Variants in CNTNAP5 observed in about 807,000 individuals in gnomAD.
CNTNAP5 encodes contactin-associated protein-like 5.
Under a neutral mutation model 150.2 loss-of-function variants are expected in CNTNAP5, and 72 were observed. That is an observed-to-expected ratio of 0.48 (90% CI 0.40 to 0.58). CNTNAP5 has a LOEUF of 0.58. Among genes scored for constraint, CNTNAP5 ranks in the 20% least tolerant of loss-of-function variants. The probability of loss-of-function intolerance (pLI) is 0.00; values close to 1 mark genes in which losing one functional copy is unlikely to be tolerated. For synonymous variants in CNTNAP5, 672 were observed against 619.8 expected (o/e 1.08, Z -1.25); for missense variants, 1,636 against 1,626.2 (o/e 1.01, Z -0.10).
intron 4 of CNTNAP5, among the ~76,000 whole-genome samples, chr2:124,430,813 A>G (rs935682220): frequency 6.6e-6 from 1 of 152,216 alleles, no homozygotes; most frequent in Admixed American, 6.5e-5. Context: ...CCAAACCCAG[A>G]CAGAATTTTT....
intron 17 of CNTNAP5, among the ~76,000 whole-genome samples, chr2:124,776,659 T>C (rs1201989934): frequency 6.6e-6 from 1 of 152,192 alleles, no homozygotes; most frequent in African/African-American, 2.4e-5. Flanking sequence ...ATAGCCTTCC[T>C]GAAGCACGCC....
chr2:124,655,848 C>T (rs1451188286), intron 13 of CNTNAP5, among the ~76,000 whole-genome samples: 1 of 150,200 alleles, frequency 6.7e-6, no homozygotes, highest in African/African-American at 2.5e-5. Flanking sequence ...CTGCAGTGAG[C>T]TATAATTGTG....
chr2:124,222,742 T>G (rs1352122824), intron 2 of CNTNAP5, among the ~76,000 whole-genome samples: 2 of 148,672 alleles, frequency 1.3e-5, no homozygotes, highest in African/African-American at 4.9e-5. Context: ...TTTTTTTTTT[T>G]ACACGCTAAC....
At position 124,871,610 on chromosome 2, in the gene CNTNAP5, C is replaced by T. The variant is rs145582369; in HGVS notation, c.3436+1848C>T. On this transcript the variant is annotated intron_variant, in intron 21 of 23. Coordinates refer to ENST00000682447, the MANE Select transcript of CNTNAP5 (RefSeq NM_001367498.1). ...CAGTTTCAAAGACTCACTGGCACAT[C>T]AGTGTCCTCTTGTTTTCTGGCTTCC... Among the ~76,000 whole-genome samples, 4 of 152,258 alleles carry T rather than the reference C, an allele frequency of 2.6e-5. No individual in the cohort carries two copies. In the East Asian group the frequency reaches 7.7e-4, roughly 29 times the overall value.
At chr2:124,411,012 A>T (rs1691743749) in intron 3 of CNTNAP5, among the ~76,000 whole-genome samples, 2 of 152,182 alleles carry the variant, frequency 1.3e-5, no homozygotes, top group Admixed American at 6.5e-5. Context: ...AAGAGAGAAG[A>T]ATCAAATAGA....
intron 1 of CNTNAP5, among the ~76,000 whole-genome samples, chr2:124,145,685 C>T (rs1205449611): frequency 1.6e-5 from 2 of 128,868 alleles, no homozygotes; most frequent in Non-Finnish European, 3.3e-5. Flanking sequence ...GGGAGATATA[C>T]CTAATGCTAG....
intron 11 of CNTNAP5, among the ~76,000 whole-genome samples, chr2:124,568,164 T>G (rs909429789): frequency 1.3e-5 from 2 of 152,206 alleles, no homozygotes; most frequent in Non-Finnish European, 2.9e-5. Context: ...TCTTTTATAT[T>G]GCTTAAGACG....
intron 6 of CNTNAP5, among the ~76,000 whole-genome samples, chr2:124,465,284 G>A (rs1338609205): frequency 6.6e-6 from 1 of 152,186 alleles, no homozygotes; most frequent in Non-Finnish European, 1.5e-5. Context: ...AATCCAGCAA[G>A]TTACCAGATG....
chr2:124,618,688 G>A (rs116840379), intron 12 of CNTNAP5, among the ~76,000 whole-genome samples: 156 of 152,268 alleles, frequency 1.0e-3, no homozygotes, highest in African/African-American at 3.7e-3. Flanking sequence ...AGAGAAGGCT[G>A]GAGATGTGCA....
chr2:124,092,025 T>C (rs1682826968), intron 1 of CNTNAP5, among the ~76,000 whole-genome samples: 1 of 152,216 alleles, frequency 6.6e-6, no homozygotes, highest in South Asian at 2.1e-4. Context: ...AGAGGAATGG[T>C]AATTCTCCAC....
chr2:124,399,001 C>T (rs74545032), intron 3 of CNTNAP5, among the ~76,000 whole-genome samples: 2,159 of 152,282 alleles, frequency 0.014, 50 homozygotes, highest in African/African-American at 0.049. Context: ...TCCAGTAATT[C>T]TGTCTCAATT....
intron 12 of CNTNAP5, among the ~76,000 whole-genome samples, chr2:124,620,331 A>C (rs1231003600): frequency 1.3e-5 from 2 of 152,272 alleles, no homozygotes; most frequent in East Asian, 3.9e-4. Flanking sequence ...TGTTGGAAAC[A>C]GCCTCAGTAT....
chr2:124,315,232 G>T (rs1688934803), intron 3 of CNTNAP5, among the ~76,000 whole-genome samples: 5 of 152,264 alleles, frequency 3.3e-5, no homozygotes, highest in Admixed American at 3.3e-4. Flanking sequence ...AAGTGCTGAG[G>T]TTACAGGGCA....
At chr2:124,904,713 A>T (rs1678495350) in intron 22 of CNTNAP5, among the ~76,000 whole-genome samples, 1 of 152,170 alleles carries the variant, frequency 6.6e-6, no homozygotes. Context: ...CTTATACCAT[A>T]TAAAAATTAA....
At chr2:124,372,818 G>A (rs1449090395) in intron 3 of CNTNAP5, among the ~76,000 whole-genome samples, 1 of 152,028 alleles carries the variant, frequency 6.6e-6, no homozygotes, top group Non-Finnish European at 1.5e-5. Context: ...AATTAATAAT[G>A]CAACACCCAT....
At chr2:124,341,667 T>C (rs1250656016) in intron 3 of CNTNAP5, among the ~76,000 whole-genome samples, 1 of 152,170 alleles carries the variant, frequency 6.6e-6, no homozygotes, top group Non-Finnish European at 1.5e-5. Context: ...AAGGTTGAAG[T>C]CTGCGGCAAT....
At chr2:124,505,877 A>G (rs549092465) in intron 8 of CNTNAP5, among the ~76,000 whole-genome samples, 1 of 152,344 alleles carries the variant, frequency 6.6e-6, no homozygotes, top group African/African-American at 2.4e-5. Context: ...AAACAATCTG[A>G]ATAAAAACCT....
chr2:124,914,342 C>G lies in CNTNAP5; in HGVS notation c.*54C>G, dbSNP rs1269768183. 2.4e-6 allele frequency: 3 copies of G among 1,257,934 alleles called. No individual in the cohort carries two copies. The African/African-American group carries it at 4.4e-5, about 19-fold the overall frequency. 77.9% of individuals were successfully genotyped at this position (1,257,934 alleles called of 1,614,324 possible). On this transcript the variant is annotated 3_prime_UTR_variant, in exon 24 of 24. Transcript: ENST00000682447. ...TTCTTGTTGTTCAATTATCTCCTCCCCCTCTTCTCTCCTGTCTTTTGATTT... is the reference window on the plus strand; with the variant it reads ...TTCTTGTTGTTCAATTATCTCCTCCGCCTCTTCTCTCCTGTCTTTTGATTT...
intron 7 of CNTNAP5, among the ~76,000 whole-genome samples, chr2:124,496,385 G>A (rs755065879): frequency 1.3e-5 from 2 of 152,030 alleles, no homozygotes; most frequent in Non-Finnish European, 2.9e-5. Flanking sequence ...ATCTTTCCCC[G>A]CAAATTAGAT....
Sources: gnomAD v4.1 joint callset for allele counts (sites outside exome capture counted in the v4.1 genomes callset) on GRCh38, gnomAD v4.1.1 for gene constraint, MANE v1.5 for transcripts, NCBI Gene and HGNC (gene_info 2026-07-23, HGNC 2026-07-21) for gene names.